LRCH2: variants seen among roughly 807,000 people sequenced by gnomAD.
LRCH2 encodes leucine-rich repeat and calponin homology domain-containing protein 2.
LRCH2 carries 38 observed loss-of-function variants against 68.9 expected under a neutral mutation model. The ratio of observed to expected loss-of-function variants is 0.55; its 90% CI spans 0.43 to 0.72. The LOEUF (loss-of-function observed/expected upper bound fraction) is 0.72. Ranked by LOEUF, LRCH2 falls within the 30% of genes least tolerant of loss-of-function variation. LRCH2 has a pLI of 0.00. For synonymous variants in LRCH2, 191 were observed against 208.1 expected, an observed-to-expected ratio of 0.92 and a Z score of 0.71; for missense variants, 528 against 572.9, an observed-to-expected ratio of 0.92 and a Z score of 0.80.
intron 1 of LRCH2, among the ~76,000 whole-genome samples, chrX:115,229,914 G>A (rs1274755115): frequency 8.9e-6 from 1 of 111,776 alleles, no homozygotes; most frequent in Non-Finnish European, 1.9e-5. Flanking sequence ...GATTATCCAG[G>A]ACACGGCAGA....
intron 1 of LRCH2, among the ~76,000 whole-genome samples, chrX:115,202,872 C>T (rs1236694054): frequency 2.7e-5 from 3 of 111,512 alleles, no homozygotes; most frequent in Non-Finnish European, 5.6e-5. Context: ...TCTACATATG[C>T]TAGGATTCCT....
intron 6 of LRCH2, among the ~76,000 whole-genome samples, chrX:115,167,565 T>C (rs2072573958): frequency 9.0e-6 from 1 of 111,184 alleles, no homozygotes; most frequent in African/African-American, 3.3e-5. Flanking sequence ...TGAGTGTCTA[T>C]ACTGTGTTAT....
At chrX:115,166,369 G>C in intron 6 of LRCH2, 27 bp from the exon 7 acceptor site, 1 of 1,009,197 alleles carries the variant, frequency 9.9e-7, no homozygotes, top group Non-Finnish European at 1.4e-6. Context: ...CCTAAGAGCA[G>C]TTAGGATTTT....
chrX:115,231,818 G>A (rs1324459264), intron 1 of LRCH2, among the ~76,000 whole-genome samples: 1 of 111,611 alleles, frequency 9.0e-6, no homozygotes, highest in African/African-American at 3.3e-5. Context: ...CCTTTTAAGG[G>A]GCTCTATTTC....
intron 11 of LRCH2, among the ~76,000 whole-genome samples, chrX:115,158,397 A>G (rs1178327370): frequency 8.9e-6 from 1 of 112,082 alleles, no homozygotes; most frequent in African/African-American, 3.2e-5. Context: ...GGACTGAGAG[A>G]TCCACCTAAT....
intron 1 of LRCH2, chrX:115,190,176 G>A (rs782396163): frequency 2.8e-5 from 33 of 1,165,197 alleles, no homozygotes; most frequent in South Asian, 5.7e-5. Flanking sequence ...CACTGCCCCC[G>A]TGCCGCGACC....
chrX:115,125,475 A>G (rs1340308324), intron 16 of LRCH2, among the ~76,000 whole-genome samples: 36 of 158 alleles, frequency 0.23, 1 homozygote, highest in African/African-American at 0.26. Flanking sequence ...ATATATATAT[A>G]TATATATATA....
intron 14 of LRCH2, among the ~76,000 whole-genome samples, chrX:115,140,248 T>G (rs2072324902): frequency 9.0e-6 from 1 of 110,862 alleles, no homozygotes; most frequent in Admixed American, 9.6e-5. Flanking sequence ...TTACTAGACA[T>G]ATACCCCTGG....
At chrX:115,131,365 C>A (rs1603027372) in intron 14 of LRCH2, among the ~76,000 whole-genome samples, 1 of 107,881 alleles carries the variant, frequency 9.3e-6, no homozygotes, top group East Asian at 3.0e-4. Flanking sequence ...GTTTGGTTTT[C>A]TGTCCTTGCG....
chrX:115,191,165 G>T, intron 1 of LRCH2: 1 of 1,166,640 alleles, frequency 8.6e-7, no homozygotes, highest in Non-Finnish European at 1.1e-6. Context: ...TACAGTGGGG[G>T]CCACGACAGT....
At chrX:115,195,814 G>C (rs1268607877) in intron 1 of LRCH2, among the ~76,000 whole-genome samples, 1 of 111,540 alleles carries the variant, frequency 9.0e-6, no homozygotes, top group Non-Finnish European at 1.9e-5. Flanking sequence ...AGAGCACCCT[G>C]ACCCACCCAA....
chrX:115,152,326 T>C (rs1022115661), intron 12 of LRCH2, among the ~76,000 whole-genome samples: 1 of 111,998 alleles, frequency 8.9e-6, no homozygotes, highest in Non-Finnish European at 1.9e-5. Context: ...CAAAAGTATG[T>C]ATAATAATAC....
chrX:115,190,082 C>A, intron 1 of LRCH2: 1 of 1,154,245 alleles, frequency 8.7e-7, no homozygotes, highest in Non-Finnish European at 1.2e-6. Context: ...TCAAGCCTGG[C>A]TCGCATTGGC....
At chrX:115,130,917 ACTC>A (rs781919321) in intron 14 of LRCH2, among the ~76,000 whole-genome samples, 4 of 110,468 alleles carry the variant, frequency 3.6e-5, no homozygotes, top group African/African-American at 1.3e-4. Flanking sequence ...CTTACTTCTG[ACTC>A]CTCTTCACTG....
intron 1 of LRCH2, among the ~76,000 whole-genome samples, chrX:115,204,731 T>A (rs1196773377): frequency 8.9e-6 from 1 of 111,768 alleles, no homozygotes; most frequent in Non-Finnish European, 1.9e-5. Flanking sequence ...CATCTCCATC[T>A]GAGACCACCT....
intron 11 of LRCH2, among the ~76,000 whole-genome samples, chrX:115,157,112 C>T (rs2072481129): frequency 9.0e-6 from 1 of 110,975 alleles, no homozygotes; most frequent in African/African-American, 3.3e-5. Context: ...TTTAAAAAAA[C>T]ACAAGTTTCT....
intron 1 of LRCH2, among the ~76,000 whole-genome samples, chrX:115,202,832 T>C (rs185548031): frequency 8.9e-6 from 1 of 112,127 alleles, no homozygotes; most frequent in African/African-American, 3.2e-5. Flanking sequence ...TTAACATATA[T>C]TGCTTCTTGA....
intron 5 of LRCH2, among the ~76,000 whole-genome samples, chrX:115,179,063 G>C (rs2072672401): frequency 9.0e-6 from 1 of 111,640 alleles, no homozygotes; most frequent in African/African-American, 3.3e-5. Context: ...TGTTCTTTCT[G>C]TTATAATTCC....
intron 5 of LRCH2, among the ~76,000 whole-genome samples, chrX:115,174,792 A>G (rs2072634637): frequency 9.0e-6 from 1 of 111,352 alleles, no homozygotes; most frequent in Non-Finnish European, 1.9e-5. Context: ...TTTTGCTCCC[A>G]TTTCCTATAC....
Sources: gnomAD v4.1 joint callset for allele counts (sites outside exome capture counted in the v4.1 genomes callset) on GRCh38, gnomAD v4.1.1 for gene constraint, MANE v1.5 for transcripts, NCBI Gene and HGNC (gene_info 2026-07-23, HGNC 2026-07-21) for gene names.